Variants in CLCN2 observed in about 807,000 individuals in gnomAD.
CLCN2 encodes chloride channel protein 2.
CLCN2 carries 72 observed loss-of-function variants against 108.3 expected under a neutral mutation model. That is an observed-to-expected ratio of 0.66 (90% CI 0.55 to 0.81). The LOEUF (loss-of-function observed/expected upper bound fraction) is 0.81. Ranked by LOEUF, CLCN2 falls within the 30% of genes least tolerant of loss-of-function variation. The probability of loss-of-function intolerance (pLI) is 0.00; values close to 1 mark genes in which losing one functional copy is unlikely to be tolerated. For synonymous variants in CLCN2, 471 were observed against 467.1 expected, an observed-to-expected ratio of 1.01 and a Z score of -0.11; for missense variants, 1,048 against 1,205.2, an observed-to-expected ratio of 0.87 and a Z score of 1.93.
rs1315415309 is a variant in CLCN2, at chr3:184,357,476, T to C, written c.784A>G (p.Ser262Gly). The change falls in exon 8 of 24, where the codon AGC (serine) becomes GGC (glycine). Residue 262 changes from serine (S) to glycine (G), a missense_variant. Physicochemically the swap from Ser to Gly is moderately conservative, Grantham distance 56. Transcript: ENST00000265593. Reference sequence around the variant, plus strand: ...AAGAAGGTGGAGGTGACCTCGATGCTGAAGAGGACGCCTGTGAGGGGGAGG... The same window carrying C: ...AAGAAGGTGGAGGTGACCTCGATGCCGAAGAGGACGCCTGTGAGGGGGAGG... ...FAAPIGGVLFSIEVTSTFFAV... is the reference protein window; with the variant it reads ...FAAPIGGVLFGIEVTSTFFAV... The C allele has an allele frequency of 6.2e-7, 1 of 1,614,034 alleles. No individual in the cohort carries two copies. Among genetic ancestry groups the C allele is most frequent in the African/African-American group, 1.3e-5 (1 of 74,926 alleles).
rs1577322060 is a variant in CLCN2, at chr3:184,357,162, C to G, written c.983+20G>C. 6.2e-7 allele frequency: 1 copy of G among 1,612,896 alleles called. No homozygotes were observed. On this transcript the variant is annotated intron_variant, in intron 9 of 23. Coordinates refer to ENST00000265593, the MANE Select transcript of CLCN2 (RefSeq NM_004366.6). ...AAACCCCCCTCCTCTCTGATACCCC[C>G]AGCCCCCTCAGCTCCTCACCCAATG... is the stretch of plus-strand genomic sequence containing the variant.
At chr3:184,350,038 C>T (rs143307872) in intron 22 of CLCN2, among the ~76,000 whole-genome samples, 1 of 152,334 alleles carries the variant, frequency 6.6e-6, no homozygotes, top group Admixed American at 6.5e-5. Flanking sequence ...CCTGTAAGGA[C>T]ATTTTGAATT....
rs774868942 is a variant in CLCN2 at position 184,359,070 on chromosome 3, C to A, written c.125G>T (p.Arg42Leu). 6.2e-7 allele frequency: 1 copy of A among 1,613,714 alleles called. No individual in the cohort carries two copies. The highest frequency in any genetic ancestry group is 8.5e-7 in the Non-Finnish European group (1 of 1,180,042). Residue 42 changes from arginine (R) to leucine (L), a missense_variant, in exon 2 of 24, where the codon CGC (arginine) becomes CTC (leucine). Arg to Leu is a moderately radical substitution (Grantham distance 102). Coordinates refer to ENST00000265593, the MANE Select transcript of CLCN2 (RefSeq NM_004366.6). Reference protein sequence around the residue: ...AFAKEEAARIRLGGPEPWKGP... With the variant: ...AFAKEEAARILLGGPEPWKGP... ...TTTCCAGGGTTCAGGCCCTCCCAGG[C>A]GAATCCGAGCAGCTTCCTCTTTGGC...
chr3:184,353,123 G>A lies in CLCN2; in HGVS notation c.2053C>T (p.Pro685Ser), dbSNP rs1560256305. The A allele has an allele frequency of 2.5e-6, 4 of 1,614,192 alleles. No individual in the cohort carries two copies. In the South Asian group the frequency reaches 3.3e-5, roughly 13 times the overall value. Residue 685 changes from proline (P) to serine (S), a missense_variant, in exon 18 of 24, where the codon CCA becomes TCA. Physicochemically the swap from Pro to Ser is moderately conservative, Grantham distance 74. Transcript: ENST00000265593. The part of the protein sequence containing the change: ...FQVNTEDSAF[P>S]AARGETHKPL... ...TTGTGGGTCTCCCCCCGGGCTGCTG[G>A]GAAGGCTGAGTCTTCTGTGTTCACC...
chr3:184,352,164 G>T, intron 21 of CLCN2, 47 bp from the exon 22 acceptor site: 1 of 1,588,578 alleles, frequency 6.3e-7, no homozygotes, highest in South Asian at 1.1e-5. Context: ...GCCTGTAGCT[G>T]ACCTCACCTC....
chr3:184,348,591 C>A (rs1387476117), intron 22 of CLCN2: 3 of 151,854 alleles, frequency 2.0e-5, no homozygotes, highest in African/African-American at 7.3e-5. Flanking sequence ...GTCCTACGTG[C>A]TACAAGTTAG....
Position 184,354,256 on chromosome 3 carries a change from G to C in CLCN2, c.1566C>G (p.Phe522Leu). Reference protein sequence around the residue: ...THTVSTAVIVFELTGQIAHIL... With the variant: ...THTVSTAVIVLELTGQIAHIL... ...TGTGGGCAATCTGGCCTGTGAGCTC[G>C]AACACGATCACAGCCGTGGACACTG... The change falls in exon 15 of 24, where the codon TTC (phenylalanine) becomes TTG (leucine). Residue 522 changes from phenylalanine (F) to leucine (L), a missense_variant. Phe to Leu is a conservative substitution (Grantham distance 22). Transcript: ENST00000265593. The C allele has an allele frequency of 6.2e-7, 1 of 1,613,046 alleles. No individual in the cohort carries two copies. The highest frequency in any genetic ancestry group is 2.2e-5 in the East Asian group (1 of 44,842).
intron 22 of CLCN2, among the ~76,000 whole-genome samples, chr3:184,350,592 C>T (rs1419654993): frequency 1.3e-5 from 2 of 152,132 alleles, no homozygotes; most frequent in Non-Finnish European, 2.9e-5. Context: ...CCTGCCACCA[C>T]GCCTGGCTAA....
intron 22 of CLCN2, 92 bp downstream of exon 22, chr3:184,351,921 C>G (rs946243808): frequency 3.1e-5 from 28 of 917,906 alleles, no homozygotes; most frequent in African/African-American, 1.6e-5. Context: ...CCCTCCTTCC[C>G]CACTGGCCTG....
At chr3:184,352,673 G>T in intron 19 of CLCN2, 64 bp downstream of exon 19, 1 of 1,557,228 alleles carries the variant, frequency 6.4e-7, no homozygotes, top group Non-Finnish European at 8.8e-7. Flanking sequence ...TAATGACGTG[G>T]TCTCAGCATT....
intron 22 of CLCN2, 159 bp from the exon 23 acceptor site, chr3:184,347,180 GTAA>G (rs1000674813): frequency 8.6e-6 from 6 of 700,130 alleles, no homozygotes; most frequent in South Asian, 3.0e-5. Context: ...AATAACAATC[GTAA>G]TAATAATGAG....
Position 184,346,553 on chromosome 3 carries a change from C to T in CLCN2, c.*53G>A, listed in dbSNP as rs898732890. 77 of 1,597,694 alleles carry T rather than the reference C, an allele frequency of 4.8e-5. No homozygotes were observed. The highest frequency in any genetic ancestry group is 6.4e-5 in the Non-Finnish European group (75 of 1,168,396). ...GAAGGCAGAAGGAATGAAAGATGCA[C>T]ATTCTGGGCTGACGGGCATGGCTAG... On this transcript the variant is annotated 3_prime_UTR_variant, in exon 24 of 24. Transcript: ENST00000265593. The surrounding 1 kb of genome is among the most constrained non-coding windows in gnomAD (Gnocchi z 6.0).
Position 184,346,677 on chromosome 3 carries a change from A to G in CLCN2, c.2626T>C (p.Trp876Arg). ...DTETTEVHAL[W>R]GPHSRHGLPR... Reference sequence around the variant, plus strand: ...AGGCCATGACGGGAGTGGGGCCCCCAGAGTGCATGCACCTCAGTGGTCTCC... The same window carrying G: ...AGGCCATGACGGGAGTGGGGCCCCCGGAGTGCATGCACCTCAGTGGTCTCC... Residue 876 changes from tryptophan (W) to arginine (R), a missense_variant, in exon 24 of 24, where the codon TGG becomes CGG. By Grantham distance (101) the Trp-to-Arg change is moderately radical (BLOSUM62 -3). Transcript: ENST00000265593. The surrounding 1 kb of genome is among the most constrained non-coding windows in gnomAD (Gnocchi z 6.0). 5 of 1,614,140 alleles carry G rather than the reference A, an allele frequency of 3.1e-6. No individual in the cohort carries two copies. The highest frequency in any genetic ancestry group is 3.4e-6 in the Non-Finnish European group (4 of 1,180,012).
In CLCN2 at chr3:184,352,763, T is replaced by C. The variant is rs1355400326; in HGVS notation, c.2191A>G (p.Ser731Gly). 2 of 1,613,174 alleles carry C rather than the reference T, an allele frequency of 1.2e-6. No homozygotes were observed. Among genetic ancestry groups the C allele is most frequent in the Admixed American group, 1.7e-5 (1 of 60,024 alleles). Reference sequence around the variant, plus strand: ...TCCGAAGCAGCCTCAGGGGGTGGACTGCCACAGAAGAGGCTCCGGAGGGCG... The same window carrying C: ...TCCGAAGCAGCCTCAGGGGGTGGACCGCCACAGAAGAGGCTCCGGAGGGCG... ...GIALRSLFCGSPPPEAASEKL... is the reference protein window; with the variant it reads ...GIALRSLFCGGPPPEAASEKL... The change falls in exon 19 of 24, where the codon AGT becomes GGT. Residue 731 changes from serine to glycine, a missense_variant. Transcript: ENST00000265593.
At chr3:184,359,944 C>G (rs1010943971) in intron 1 of CLCN2, among the ~76,000 whole-genome samples, 8 of 131,210 alleles carry the variant, frequency 6.1e-5, no homozygotes, top group Non-Finnish European at 1.1e-4. Flanking sequence ...GGCTGCCACC[C>G]GCAGAGCTTC....
intron 19 of CLCN2, 43 bp from the exon 20 acceptor site, chr3:184,352,539 G>C: frequency 6.3e-7 from 1 of 1,598,518 alleles, no homozygotes; most frequent in Non-Finnish European, 8.6e-7. Context: ...GAGGAGTTGA[G>C]GTTATAGGGA....
At position 184,358,886 on chromosome 3, in the gene CLCN2, T is replaced by G. The variant is rs1711613821; in HGVS notation, c.221-73A>C. On this transcript the variant is annotated intron_variant, in intron 2 of 23. Coordinates refer to ENST00000265593, the MANE Select transcript of CLCN2 (RefSeq NM_004366.6). ...CTACCCCTTTTACTGCCCCCTCAAC[T>G]GTCCCCTCTCCCCCATCAGCAGCTC... 4.3e-6 allele frequency: 7 copies of G among 1,613,314 alleles called. No homozygotes were observed. The African/African-American group carries it at 9.3e-5, about 22-fold the overall frequency.
chr3:184,354,333 A>T lies in CLCN2; in HGVS notation c.1508-19T>A. ...GCTGCCCCTGGGGACAGTCACACTC[A>T]GTCTCCTCAGGGTGCCCAGGTCCCA... On this transcript the variant is annotated intron_variant, in intron 14 of 23. Coordinates refer to ENST00000265593, the MANE Select transcript of CLCN2 (RefSeq NM_004366.6). 6.2e-7 allele frequency: 1 copy of T among 1,611,160 alleles called. No homozygotes were observed. The highest frequency in any genetic ancestry group is 2.2e-5 in the East Asian group (1 of 44,802).
In CLCN2 at chr3:184,346,348, C is replaced by A; in HGVS notation, c.*258G>T. 1.8e-6 allele frequency: 1 copy of A among 561,432 alleles called. No individual in the cohort carries two copies. The highest frequency in any genetic ancestry group is 3.2e-6 in the Non-Finnish European group (1 of 311,030). The allele number at this position is 561,432 out of a possible 1,614,324, so 34.8% of individuals were successfully genotyped here. ...CACCCCTTTCCCCTCAAAGGGGGAG[C>A]AGGGGTCAAGTGACCCCAACCCATC... is the stretch of plus-strand genomic sequence containing the variant. On this transcript the variant is annotated 3_prime_UTR_variant, in exon 24 of 24. Transcript: ENST00000265593. This position sits in a 1 kb window ranked among gnomAD's most constrained non-coding sequence, Gnocchi z 6.0.
Sources: allele counts gnomAD v4.1 joint callset (sites outside exome capture counted in the v4.1 genomes callset), GRCh38; gene constraint gnomAD v4.1.1; non-coding constraint Gnocchi (gnomAD v3.1); transcripts MANE v1.5; gene names NCBI Gene and HGNC (gene_info 2026-07-23, HGNC 2026-07-21).